Variants in PLXNA4 observed in about 807,000 individuals in gnomAD.
PLXNA4 encodes the protein plexin A4.
Under a neutral mutation model 191.8 loss-of-function variants are expected in PLXNA4, and 44 were observed. The observed-to-expected ratio is 0.23, with a 90% CI of 0.18 to 0.29. PLXNA4 has a LOEUF of 0.29. Among genes scored for constraint, PLXNA4 ranks in the 10% least tolerant of loss-of-function variants. The pLI, the probability that PLXNA4 is intolerant of heterozygous loss-of-function variation, is 1.00. For missense variants in PLXNA4, 1,800 were observed against 2,488.8 expected (o/e 0.72, Z 5.89); for synonymous variants, 1,082 against 1,009.5 (o/e 1.07, Z -1.36).
chr7:132,576,700 T>C, upstream of PLXNA4: 2 of 635,366 alleles, frequency 3.1e-6, no homozygotes, highest in Non-Finnish European at 3.9e-6. This position sits in a 1 kb window ranked among gnomAD's most constrained non-coding sequence, Gnocchi z 5.8. Context: ...GGTCGGAAAA[T>C]GGGGATCGAT....
At chr7:132,525,644 C>A (rs569454592) in intron 1 of PLXNA4, among the ~76,000 whole-genome samples, 1 of 152,156 alleles carries the variant, frequency 6.6e-6, no homozygotes, top group Non-Finnish European at 1.5e-5. Context: ...AAAGGGAAGA[C>A]CTAGAGAAAA....
intron 3 of PLXNA4, among the ~76,000 whole-genome samples, chr7:132,322,275 G>A (rs1462469538): frequency 6.6e-6 from 1 of 151,046 alleles, no homozygotes. Context: ...CTCTGCTCTT[G>A]GGTTCAAGCG....
At chr7:132,590,634 C>A (rs765849140) in intron 2 of PLXNA4, among the ~76,000 whole-genome samples, 5 of 152,186 alleles carry the variant, frequency 3.3e-5, no homozygotes, top group African/African-American at 4.8e-5. Flanking sequence ...GGTCTTTCCA[C>A]GTTCTTCTGC....
chr7:132,507,126 CA>C (rs1798496702), intron 2 of PLXNA4, among the ~76,000 whole-genome samples: 1 of 152,120 alleles, frequency 6.6e-6, no homozygotes, highest in Non-Finnish European at 1.5e-5. Context: ...TTGGTGAGTA[CA>C]AAGGGCATGT....
intron 2 of PLXNA4, among the ~76,000 whole-genome samples, chr7:132,616,039 A>G (rs1352533625): frequency 6.7e-6 from 1 of 150,108 alleles, no homozygotes; most frequent in Non-Finnish European, 1.5e-5. Context: ...CTTGGAGTGG[A>G]TCCCTCAAAA....
chr7:132,460,371 A>G (rs11983663), intron 3 of PLXNA4, among the ~76,000 whole-genome samples: 1 of 151,212 alleles, frequency 6.6e-6, no homozygotes, highest in Non-Finnish European at 1.5e-5. Flanking sequence ...TCTCAAAAAA[A>G]GAAAAAAAAA....
chr7:132,199,589 A>G (rs959879434), intron 12 of PLXNA4, among the ~76,000 whole-genome samples: 10 of 152,208 alleles, frequency 6.6e-5, no homozygotes, highest in Non-Finnish European at 4.4e-5. Flanking sequence ...TATGAGCACC[A>G]GCACCTGGAC....
chr7:132,594,732 G>C (rs1236786566), intron 2 of PLXNA4, among the ~76,000 whole-genome samples: 1 of 152,152 alleles, frequency 6.6e-6, no homozygotes, highest in African/African-American at 2.4e-5. Context: ...TTCTTCTCCA[G>C]CTGCGTGGAT....
chr7:132,299,648 T>A (rs1563020727), intron 3 of PLXNA4, among the ~76,000 whole-genome samples: 1 of 152,174 alleles, frequency 6.6e-6, no homozygotes, highest in Non-Finnish European at 1.5e-5. Context: ...ATCCTGTGGG[T>A]TTAATGTTCA....
intron 3 of PLXNA4, among the ~76,000 whole-genome samples, chr7:132,343,052 A>G (rs1803101201): frequency 6.6e-6 from 1 of 152,116 alleles, no homozygotes; most frequent in Non-Finnish European, 1.5e-5. Flanking sequence ...AAACCCTAGG[A>G]AAAAGTAAGA....
chr7:132,458,101 T>C (rs188761608), intron 3 of PLXNA4, among the ~76,000 whole-genome samples: 2 of 152,308 alleles, frequency 1.3e-5, no homozygotes, highest in Admixed American at 6.5e-5. Context: ...GACATACTCA[T>C]TGGGCGAATA....
chr7:132,157,186 G>C (rs1447922789), intron 25 of PLXNA4, among the ~76,000 whole-genome samples: 1 of 152,236 alleles, frequency 6.6e-6, no homozygotes, highest in African/African-American at 2.4e-5. Context: ...GAGCACTGGA[G>C]ACCTGTTTCC....
chr7:132,575,998 A>G (rs755322905), intron 1 of PLXNA4, among the ~76,000 whole-genome samples: 1 of 152,174 alleles, frequency 6.6e-6, no homozygotes, highest in Non-Finnish European at 1.5e-5. Context: ...GACACTGGGT[A>G]GGTCTCCGGA....
At chr7:132,161,841 C>T (rs916475696) in intron 24 of PLXNA4, among the ~76,000 whole-genome samples, 2 of 152,246 alleles carry the variant, frequency 1.3e-5, no homozygotes, top group Admixed American at 6.5e-5. Context: ...CAGGCTCCCA[C>T]GTGGGTACCC....
At chr7:132,202,944 C>T (rs112954457) in intron 11 of PLXNA4, 108 bp from the exon 12 acceptor site, 16 of 1,212,794 alleles carry the variant, frequency 1.3e-5, no homozygotes, top group Non-Finnish European at 1.8e-5. Flanking sequence ...TGATGGGGCA[C>T]AAAGGCAGTT....
intron 3 of PLXNA4, among the ~76,000 whole-genome samples, chr7:132,345,834 C>A (rs1012685248): frequency 6.6e-6 from 1 of 152,110 alleles, no homozygotes; most frequent in Admixed American, 6.5e-5. Context: ...CTCAAAGGAC[C>A]GCAGCATGGC....
chr7:132,227,400 A>G, intron 7 of PLXNA4, 51 bp downstream of exon 7: 2 of 1,610,714 alleles, frequency 1.2e-6, no homozygotes, highest in African/African-American at 1.3e-5. Context: ...AGTTCTCCTT[A>G]TCTAGCCAGG....
chr7:132,219,462 C>T (rs935681563), intron 9 of PLXNA4, among the ~76,000 whole-genome samples: 1 of 152,222 alleles, frequency 6.6e-6, no homozygotes, highest in Non-Finnish European at 1.5e-5. Context: ...AAACACAGAT[C>T]TCCATAGATC....
At chr7:132,230,149 A>C (rs1007050961) in intron 5 of PLXNA4, among the ~76,000 whole-genome samples, 3 of 152,168 alleles carry the variant, frequency 2.0e-5, no homozygotes, top group Admixed American at 6.5e-5. Context: ...CATGATATGG[A>C]GTTTACATTG....
Sources: allele counts gnomAD v4.1 joint callset (sites outside exome capture counted in the v4.1 genomes callset), GRCh38; gene constraint gnomAD v4.1.1; non-coding constraint Gnocchi (gnomAD v3.1); transcripts MANE v1.5; gene names NCBI Gene and HGNC (gene_info 2026-07-23, HGNC 2026-07-21).